SYNE3: variants seen among roughly 807,000 people sequenced by gnomAD.
SYNE3 encodes the protein spectrin repeat containing nuclear envelope family member 3.
SYNE3 carries 100 observed loss-of-function variants against 111.2 expected under a neutral mutation model. The observed-to-expected ratio is 0.90, with a 90% CI of 0.77 to 1.06. SYNE3 has a LOEUF of 1.06. Among genes scored for constraint, SYNE3 ranks in the 50% least tolerant of loss-of-function variants. SYNE3 has a pLI of 0.00. For synonymous variants in SYNE3, 547 were observed against 533.9 expected, an observed-to-expected ratio of 1.02 and a Z score of -0.34; for missense variants, 1,160 against 1,240.3, an observed-to-expected ratio of 0.94 and a Z score of 0.97.
rs534286144 is a variant in SYNE3 at position 95,409,829 on chromosome 14, G to T, written c.*7997C>A. On this transcript the variant is annotated 3_prime_UTR_variant, in exon 18 of 18. Transcript: ENST00000682763. ...CTGCAGGCACTGGCAATTGGGTGAT[G>T]AGGGCCACCTGTGGGGTGCCCCCAC... 1.5e-4 allele frequency: 27 copies of T among 184,336 alleles called. No individual in the cohort carries two copies. The highest frequency in any genetic ancestry group is 1.4e-3 in the Middle Eastern group (1 of 698). 11.4% of individuals were successfully genotyped at this position (184,336 alleles called of 1,614,324 possible).
chr14:95,416,337 C>T lies in SYNE3; in HGVS notation c.*1489G>A, dbSNP rs1161287313. On this transcript the variant is annotated 3_prime_UTR_variant, in exon 18 of 18. Transcript: ENST00000682763. ...AAGGGCCTTTCTGGGTCTATAATAC[C>T]TTATGATTCCAAAGCCGGACAGAAG... The T allele has an allele frequency of 6.6e-6, 1 of 152,172 alleles. No homozygotes were observed. The highest frequency in any genetic ancestry group is 1.5e-5 in the Non-Finnish European group (1 of 68,042). The allele number at this position is 152,172 out of a possible 1,614,324, so 9.4% of individuals were successfully genotyped here.
In SYNE3 at chr14:95,485,928, G is replaced by A. The variant is rs564926548; in HGVS notation, c.-14-10093C>T. ...CTGAGGACCAGCAGAGTCTGATTTG[G>A]GACAAGGGTCAGGGGAGGGACAGAG... On this transcript the variant is annotated intron_variant, in intron 1 of 17. Transcript: ENST00000682763. The surrounding 1 kb of genome is among the most constrained non-coding windows in gnomAD (Gnocchi z 4.3). Among the ~76,000 whole-genome samples, 2 of 152,232 alleles carry A rather than the reference G, an allele frequency of 1.3e-5. No homozygotes were observed. Among genetic ancestry groups the A allele is most frequent in the African/African-American group, 4.8e-5 (2 of 41,534 alleles).
At position 95,411,256 on chromosome 14, in the gene SYNE3, A is replaced by G. The variant is rs1015388463; in HGVS notation, c.*6570T>C. 6.6e-6 allele frequency: 1 copy of G among 150,728 alleles called. No homozygotes were observed. Among genetic ancestry groups the G allele is most frequent in the Non-Finnish European group, 1.5e-5 (1 of 67,884 alleles). 9.3% of individuals were successfully genotyped at this position (150,728 alleles called of 1,614,324 possible). On this transcript the variant is annotated 3_prime_UTR_variant, in exon 18 of 18. Coordinates refer to ENST00000682763, the MANE Select transcript of SYNE3 (RefSeq NM_152592.6). ...CTGCTTTCTGGGGCTAGTTTGTCTC[A>G]CCCAATTACTAGATGAAGGAAAAAT...
At chr14:95,423,365 TC>T (rs1256841792) in intron 17 of SYNE3, among the ~76,000 whole-genome samples, 1 of 152,118 alleles carries the variant, frequency 6.6e-6, no homozygotes, top group Non-Finnish European at 1.5e-5. Context: ...TTATCTGCCA[TC>T]CCCCTGTGAG....
At chr14:95,456,495 C>T (rs1214533427) in intron 5 of SYNE3, among the ~76,000 whole-genome samples, 2 of 152,202 alleles carry the variant, frequency 1.3e-5, no homozygotes, top group African/African-American at 4.8e-5. Context: ...GCATCCTTGG[C>T]CGCCACCCAG....
chr14:95,442,221 A>T (rs890761457), intron 11 of SYNE3, among the ~76,000 whole-genome samples: 1 of 152,224 alleles, frequency 6.6e-6, no homozygotes, highest in Admixed American at 6.5e-5. Flanking sequence ...GTGCCACCTG[A>T]CACAGCATTT....
rs138271239 is a variant in SYNE3, at chr14:95,431,433, A to G, written c.2727+646T>C. Among the ~76,000 whole-genome samples, 866 of 152,272 alleles carry G rather than the reference A, an allele frequency of 5.7e-3. 5 individuals carry two copies. Among genetic ancestry groups the G allele is most frequent in the African/African-American group, 0.019 (792 of 41,546 alleles). Reference sequence around the variant, plus strand: ...AGTTACAGGAGAGGCCCTAACCACAACTTAGCACAGTTCCTGGCACACACA... The same window carrying G: ...AGTTACAGGAGAGGCCCTAACCACAGCTTAGCACAGTTCCTGGCACACACA... On this transcript the variant is annotated intron_variant, in intron 17 of 17. Transcript: ENST00000682763.
intron 4 of SYNE3, among the ~76,000 whole-genome samples, chr14:95,461,135 C>T (rs913113780): frequency 2.6e-5 from 4 of 152,212 alleles, no homozygotes; most frequent in Admixed American, 6.5e-5. Flanking sequence ...ACACCATCTG[C>T]GGCGGGCAGA....
intron 1 of SYNE3, among the ~76,000 whole-genome samples, chr14:95,507,527 G>A (rs146086411): frequency 5.9e-5 from 9 of 152,322 alleles, no homozygotes; most frequent in East Asian, 1.9e-4. Flanking sequence ...TGAAGACTGC[G>A]GCCAGGAGAG....
At position 95,437,089 on chromosome 14, in the gene SYNE3, CA is replaced by C. The variant is rs1010041001; in HGVS notation, c.2377-109del. On this transcript the variant is annotated intron_variant, in intron 14 of 17. Coordinates refer to ENST00000682763, the MANE Select transcript of SYNE3 (RefSeq NM_152592.6). Reference sequence around the variant, plus strand: ...GGGGCAGGGACCAGGACAAGATGCCCAAAATGGCGACGGGAGAGGCCTGGGG... The same window carrying C: ...GGGGCAGGGACCAGGACAAGATGCCCAAATGGCGACGGGAGAGGCCTGGGG... 25 of 1,386,850 alleles carry C rather than the reference CA, an allele frequency of 1.8e-5. No homozygotes were observed. In the African/African-American group the frequency reaches 3.2e-4, roughly 18 times the overall value. The allele number at this position is 1,386,850 out of a possible 1,614,324, so 85.9% of individuals were successfully genotyped here. A position where few individuals can be genotyped will look rare whatever the true frequency, so the allele number is the denominator to read the frequency against.
intron 4 of SYNE3, among the ~76,000 whole-genome samples, chr14:95,461,501 G>A (rs1887815232): frequency 6.6e-6 from 1 of 152,328 alleles, no homozygotes; most frequent in Non-Finnish European, 1.5e-5. Flanking sequence ...CTAGCAGGTG[G>A]TCACAGAGGC....
chr14:95,460,165 TA>T (rs1042170068), intron 4 of SYNE3, among the ~76,000 whole-genome samples: 2 of 152,058 alleles, frequency 1.3e-5, no homozygotes, highest in Non-Finnish European at 2.9e-5. Context: ...AAAAGAGAAA[TA>T]ACATTGGAGG....
intron 1 of SYNE3, among the ~76,000 whole-genome samples, chr14:95,507,029 G>A (rs1890552565): frequency 6.6e-6 from 1 of 152,214 alleles, no homozygotes; most frequent in Non-Finnish European, 1.5e-5. Flanking sequence ...TCCATGGGGT[G>A]GTCCGCAGTT....
chr14:95,444,842 T>A (rs1213913341), intron 9 of SYNE3, among the ~76,000 whole-genome samples: 2 of 152,068 alleles, frequency 1.3e-5, no homozygotes, highest in African/African-American at 2.4e-5. Flanking sequence ...TTTGGCCACA[T>A]CCCTCCAGAA....
At chr14:95,488,000 A>C (rs1250325156) in intron 1 of SYNE3, among the ~76,000 whole-genome samples, 1 of 152,208 alleles carries the variant, frequency 6.6e-6, no homozygotes, top group African/African-American at 2.4e-5. Context: ...TCCACTTCAT[A>C]AACAGTAAAT....
intron 17 of SYNE3, among the ~76,000 whole-genome samples, chr14:95,427,682 CACACT>C (rs1885516026): frequency 6.6e-6 from 1 of 152,192 alleles, no homozygotes; most frequent in East Asian, 1.9e-4. Flanking sequence ...GGAGATGACT[CACACT>C]CCTTACCCTG....
chr14:95,498,230 A>G (rs1201644007), intron 1 of SYNE3, among the ~76,000 whole-genome samples: 2 of 151,958 alleles, frequency 1.3e-5, no homozygotes, highest in Non-Finnish European at 2.9e-5. Flanking sequence ...TTGCTCTGTC[A>G]CCCAGGCTGG....
intron 1 of SYNE3, among the ~76,000 whole-genome samples, chr14:95,486,839 G>T (rs1182756304): frequency 6.6e-6 from 1 of 152,050 alleles, no homozygotes; most frequent in Non-Finnish European, 1.5e-5. Context: ...TAAAACTCAT[G>T]GTCTCCAAAG....
intron 2 of SYNE3, among the ~76,000 whole-genome samples, chr14:95,469,597 G>A (rs1888400698): frequency 1.3e-5 from 2 of 151,146 alleles, no homozygotes; most frequent in Non-Finnish European, 2.9e-5. Context: ...TGTAGTCCCA[G>A]CTACTTGGGA....
Sources: gnomAD v4.1 joint callset for allele counts (sites outside exome capture counted in the v4.1 genomes callset) on GRCh38, gnomAD v4.1.1 for gene constraint, Gnocchi (gnomAD v3.1) non-coding constraint, MANE v1.5 for transcripts, NCBI Gene and HGNC (gene_info 2026-07-23, HGNC 2026-07-21) for gene names.